ARRB1: variants seen among roughly 807,000 people sequenced by gnomAD.
ARRB1 encodes beta-arrestin-1.
In ARRB1, 21 loss-of-function variants were observed where a neutral mutation model predicts 56.8. The observed-to-expected ratio is 0.37, with a 90% CI of 0.26 to 0.53. The LOEUF is 0.53. Among genes scored for constraint, ARRB1 ranks in the 20% least tolerant of loss-of-function variants. ARRB1 has a pLI of 0.88. For missense variants in ARRB1, 424 were observed against 553.7 expected, an observed-to-expected ratio of 0.77 and a Z score of 2.35; for synonymous variants, 210 against 218.6, an observed-to-expected ratio of 0.96 and a Z score of 0.35.
intron 1 of ARRB1, among the ~76,000 whole-genome samples, chr11:75,339,182 A>G (rs1947658935): frequency 6.6e-6 from 1 of 152,194 alleles, no homozygotes; most frequent in South Asian, 2.1e-4. Flanking sequence ...TCTCATGCCC[A>G]TGGGCTCCTC....
At chr11:75,308,415 T>G (rs1006743174) in intron 1 of ARRB1, among the ~76,000 whole-genome samples, 4 of 152,204 alleles carry the variant, frequency 2.6e-5, no homozygotes, top group African/African-American at 7.2e-5. Flanking sequence ...AAAAGCAATC[T>G]GACTGGATTT....
chr11:75,275,491 T>G (rs1420612281), intron 10 of ARRB1, among the ~76,000 whole-genome samples: 1 of 152,182 alleles, frequency 6.6e-6, no homozygotes, highest in Non-Finnish European at 1.5e-5. Flanking sequence ...ACATAAACCA[T>G]AAATGAAGCT....
intron 1 of ARRB1, among the ~76,000 whole-genome samples, chr11:75,339,898 C>T (rs1947669068): frequency 6.6e-6 from 1 of 152,190 alleles, no homozygotes; most frequent in Admixed American, 6.5e-5. Context: ...AAACTCCTAG[C>T]CCGAGGCCCG....
chr11:75,328,262 G>C lies in ARRB1; in HGVS notation c.20+23326C>G, dbSNP rs1025385576. ...GTTTGCAAGGTTCGTCCACTTTATA[G>C]CATGGATCAGTATTTCATTCCTTCT... On this transcript the variant is annotated intron_variant, in intron 1 of 15. Transcript: ENST00000420843. 5.3e-5 allele frequency among the ~76,000 whole-genome samples: 8 copies of C among 152,224 alleles called. No individual in the cohort carries two copies. In the South Asian group the frequency reaches 6.2e-4, roughly 12 times the overall value.
At chr11:75,268,122 GT>G (rs1009607819) in intron 14 of ARRB1, among the ~76,000 whole-genome samples, 10 of 152,158 alleles carry the variant, frequency 6.6e-5, no homozygotes, top group Non-Finnish European at 1.3e-4. Flanking sequence ...AACCATGGAA[GT>G]TTTTTCCTAA....
At chr11:75,298,902 C>CATTATGTTAAGTAAATTAACATAATGTTA (rs1448195977) in intron 1 of ARRB1, among the ~76,000 whole-genome samples, 8 of 150,592 alleles carry the variant, frequency 5.3e-5, no homozygotes, top group Admixed American at 2.6e-4. Context: ...ACCTTGAAAA[C>CATTATGTTAAGTAAATTAACATAATGTTA]ATTATGTTAA....
chr11:75,336,590 C>T (rs1374145033), intron 1 of ARRB1, among the ~76,000 whole-genome samples: 3 of 152,098 alleles, frequency 2.0e-5, no homozygotes, highest in African/African-American at 7.2e-5. Context: ...CAGGAGTGAG[C>T]TGAGGGGTTT....
chr11:75,332,354 T>C (rs1312661140), intron 1 of ARRB1, among the ~76,000 whole-genome samples: 1 of 152,220 alleles, frequency 6.6e-6, no homozygotes, highest in Non-Finnish European at 1.5e-5. Context: ...AAAATCTGCG[T>C]CTGTAAACAT....
chr11:75,264,168 C>T lies in ARRB1; in HGVS notation c.*1995G>A, dbSNP rs540564256. 2 of 152,234 alleles carry T rather than the reference C, an allele frequency of 1.3e-5. No individual in the cohort carries two copies. The highest frequency in any genetic ancestry group is 1.9e-4 in the East Asian group (1 of 5,174). The allele number at this position is 152,234 out of a possible 1,614,324, so 9.4% of individuals were successfully genotyped here. ...CTTGGTTCTGGTCTGGGGAGGGGTCCCTTGGGTTGAGTGGTCATGAGACTC... is the reference window on the plus strand; with the variant it reads ...CTTGGTTCTGGTCTGGGGAGGGGTCTCTTGGGTTGAGTGGTCATGAGACTC... On this transcript the variant is annotated 3_prime_UTR_variant, in exon 16 of 16. Coordinates refer to ENST00000420843, the MANE Select transcript of ARRB1 (RefSeq NM_004041.5).
At chr11:75,293,196 A>C (rs567650280) in intron 1 of ARRB1, among the ~76,000 whole-genome samples, 39 of 152,204 alleles carry the variant, frequency 2.6e-4, no homozygotes, top group Admixed American at 4.6e-4. Context: ...CTCAAACAAC[A>C]GCAGCAGCCA....
At chr11:75,289,715 GTCC>G (rs1946560567) in intron 2 of ARRB1, among the ~76,000 whole-genome samples, 1 of 152,148 alleles carries the variant, frequency 6.6e-6, no homozygotes, top group Admixed American at 6.5e-5. Context: ...TGGTTGGCTT[GTCC>G]TCCACTGTCA....
intron 1 of ARRB1, among the ~76,000 whole-genome samples, chr11:75,293,661 T>C (rs1031042937): frequency 6.6e-5 from 10 of 152,156 alleles, no homozygotes; most frequent in African/African-American, 2.4e-4. Flanking sequence ...GTGTTCCAGC[T>C]GATTAAGGCT....
intron 2 of ARRB1, among the ~76,000 whole-genome samples, chr11:75,289,344 A>C (rs1946552299): frequency 6.6e-6 from 1 of 152,108 alleles, no homozygotes; most frequent in Non-Finnish European, 1.5e-5. Context: ...CCCTCCTAGA[A>C]GCTGCCGCTG....
chr11:75,278,634 T>C lies in ARRB1; in HGVS notation c.593A>G (p.His198Arg). 1 of 1,614,116 alleles carries C rather than the reference T, an allele frequency of 6.2e-7. No homozygotes were observed. The highest frequency in any genetic ancestry group is 8.5e-7 in the Non-Finnish European group (1 of 1,180,006). ...RQFLMSDKPL[H>R]LEASLDKEIY... The stretch of plus-strand genomic sequence containing the variant: ...CTCCTTATCCAGAGAGGCTTCTAGG[T>C]GCAAGGGCTTGTCCGACATGAGGAA... Residue 198 changes from histidine (H) to arginine (R), a missense_variant, in exon 8 of 16, where the codon CAC (histidine) becomes CGC (arginine). Around this residue, in one of 3 missense-constraint regions of ARRB1, gnomAD observed 301 missense variants for 387.9 expected, o/e 0.78. Coordinates refer to ENST00000420843, the MANE Select transcript of ARRB1 (RefSeq NM_004041.5).
intron 1 of ARRB1, among the ~76,000 whole-genome samples, chr11:75,318,145 AACTTTT>A: frequency 7.9e-6 from 1 of 126,318 alleles, no homozygotes; most frequent in Admixed American, 9.7e-5. Context: ...AAGCATTTCT[AACTTTT>A]TTTTTTTTTT....
chr11:75,305,471 A>G (rs1947007447), intron 1 of ARRB1, among the ~76,000 whole-genome samples: 2 of 152,306 alleles, frequency 1.3e-5, no homozygotes, highest in South Asian at 4.1e-4. Context: ...TCTACTGTTC[A>G]TCTCTTCCCA....
chr11:75,319,961 T>C (rs1947320543), intron 1 of ARRB1, among the ~76,000 whole-genome samples: 2 of 152,142 alleles, frequency 1.3e-5, no homozygotes, highest in Admixed American at 1.3e-4. Context: ...AAGCATGCTA[T>C]GTACCTCTGT....
chr11:75,324,843 A>G (rs2140499514), intron 1 of ARRB1, among the ~76,000 whole-genome samples: 1 of 152,286 alleles, frequency 6.6e-6, no homozygotes, highest in African/African-American at 2.4e-5. Context: ...GAAGAGAGCA[A>G]GGCCCTTCCT....
intron 1 of ARRB1, among the ~76,000 whole-genome samples, chr11:75,301,135 T>C (rs1362084105): frequency 7.0e-6 from 1 of 143,370 alleles, no homozygotes; most frequent in African/African-American, 2.6e-5. Flanking sequence ...AGAGCGAGAC[T>C]CCATCTCAAA....
Sources: gnomAD v4.1 joint callset for allele counts (sites outside exome capture counted in the v4.1 genomes callset) on GRCh38, gnomAD v4.1.1 for gene constraint, gnomAD v4.1.1 regional missense constraint, MANE v1.5 for transcripts, NCBI Gene and HGNC (gene_info 2026-07-23, HGNC 2026-07-21) for gene names.